Variants in TFEC observed in about 807,000 individuals in gnomAD.
The protein encoded by TFEC is class E basic helix-loop-helix protein 34.
In TFEC, 31 loss-of-function variants were observed where a neutral mutation model predicts 41.6. The observed-to-expected ratio is 0.74, with a 90% CI of 0.56 to 1.01. The LOEUF is 1.01. Ranked by LOEUF, TFEC falls within the 50% of genes least tolerant of loss-of-function variation. The pLI, the probability that TFEC is intolerant of heterozygous loss-of-function variation, is 0.00. For missense variants in TFEC, 402 were observed against 404.1 expected (o/e 0.99, Z 0.04); for synonymous variants, 143 against 140.6 (o/e 1.02, Z -0.12).
intron 3 of TFEC, among the ~76,000 whole-genome samples, chr7:115,971,366 A>G (rs1562901135): frequency 6.6e-6 from 1 of 151,736 alleles, no homozygotes; most frequent in East Asian, 1.9e-4. Context: ...TGGCTTATAA[A>G]ATAAAGAAAA....
chr7:116,047,872 G>T (rs1479667367), intron 3 of TFEC, among the ~76,000 whole-genome samples: 3 of 152,100 alleles, frequency 2.0e-5, no homozygotes, highest in Non-Finnish European at 2.9e-5. Flanking sequence ...AGGCAAACAG[G>T]GTCTGCAGTG....
At chr7:116,013,659 T>C (rs1372315126) in intron 1 of TFEC, among the ~76,000 whole-genome samples, 1 of 152,182 alleles carries the variant, frequency 6.6e-6, no homozygotes, top group Non-Finnish European at 1.5e-5. Flanking sequence ...TGTAATAGGG[T>C]ATTCTTTCAA....
intron 1 of TFEC, among the ~76,000 whole-genome samples, 195 bp downstream of exon 1, chr7:116,030,438 G>A (rs1332703867): frequency 6.6e-6 from 1 of 152,112 alleles, no homozygotes; most frequent in East Asian, 1.9e-4. Flanking sequence ...CATTAATAGA[G>A]TTTCAGACAT....
intron 3 of TFEC, among the ~76,000 whole-genome samples, chr7:116,081,771 C>G (rs746963633): frequency 3.9e-5 from 6 of 152,076 alleles, no homozygotes; most frequent in Non-Finnish European, 7.4e-5. Flanking sequence ...CAAACCAACA[C>G]TTTATACTCA....
Position 115,939,291 on chromosome 7 carries a change from C to T in TFEC, c.*1260G>A, listed in dbSNP as rs888690574. ...TGATCGGATGATCACTCTTGGAGGT[C>T]CAGCACAGAGCAACGTGCTTGGTAA... On this transcript the variant is annotated 3_prime_UTR_variant, in exon 8 of 8. Transcript: ENST00000265440. 6.6e-5 allele frequency: 10 copies of T among 151,940 alleles called. No individual in the cohort carries two copies. Among genetic ancestry groups the T allele is most frequent in the African/African-American group, 2.4e-4 (10 of 41,378 alleles). The allele number at this position is 151,940 out of a possible 1,614,324, so 9.4% of individuals were successfully genotyped here. A position where few individuals can be genotyped will look rare whatever the true frequency, so the allele number is the denominator to read the frequency against.
At chr7:116,128,887 T>C (rs1010681740) in intron 1 of TFEC, among the ~76,000 whole-genome samples, 1 of 152,130 alleles carries the variant, frequency 6.6e-6, no homozygotes, top group African/African-American at 2.4e-5. Context: ...TAGAGGTAGA[T>C]ACATTTGCTA....
intron 1 of TFEC, among the ~76,000 whole-genome samples, chr7:116,125,929 C>T (rs1274147971): frequency 3.3e-5 from 5 of 152,244 alleles, no homozygotes; most frequent in African/African-American, 1.2e-4. Flanking sequence ...ACTGAGCAAA[C>T]TGAAATCTCA....
At chr7:115,963,023 C>G (rs532210749) in intron 3 of TFEC, among the ~76,000 whole-genome samples, 57 of 151,682 alleles carry the variant, frequency 3.8e-4, no homozygotes, top group African/African-American at 1.1e-3. Flanking sequence ...CCCGACCAGC[C>G]CCGGTGTTTG....
intron 1 of TFEC, among the ~76,000 whole-genome samples, chr7:115,985,823 T>A (rs975243814): frequency 1.3e-5 from 2 of 152,140 alleles, no homozygotes; most frequent in East Asian, 3.8e-4. Flanking sequence ...AGTGGTAATT[T>A]TTTTAGGGTA....
chr7:116,072,239 A>G (rs1279856766), intron 3 of TFEC, among the ~76,000 whole-genome samples: 1 of 151,110 alleles, frequency 6.6e-6, no homozygotes, highest in Non-Finnish European at 1.5e-5. Context: ...TGCTATCTAC[A>G]AATAGAGATA....
chr7:116,124,006 T>G (rs1798161050), intron 1 of TFEC, among the ~76,000 whole-genome samples: 1 of 152,072 alleles, frequency 6.6e-6, no homozygotes, highest in Non-Finnish European at 1.5e-5. Context: ...TTTAGTTGTC[T>G]ATGGGTAAGT....
At chr7:115,984,236 T>C (rs1793750884) in intron 2 of TFEC, 26 bp downstream of exon 2, 3 of 1,600,256 alleles carry the variant, frequency 1.9e-6, no homozygotes, top group African/African-American at 1.3e-5. Flanking sequence ...TGATGATATA[T>C]TTTTATAACC....
chr7:116,066,458 G>T (rs1295501659), intron 3 of TFEC, among the ~76,000 whole-genome samples: 3 of 152,032 alleles, frequency 2.0e-5, no homozygotes, highest in Non-Finnish European at 4.4e-5. Context: ...GAAATAGGGA[G>T]TCATGTTTTT....
intron 1 of TFEC, among the ~76,000 whole-genome samples, chr7:116,015,983 G>C (rs1333100312): frequency 6.6e-6 from 1 of 152,136 alleles, no homozygotes; most frequent in Non-Finnish European, 1.5e-5. Flanking sequence ...TCAGGATGAA[G>C]AATTAGATTT....
intron 3 of TFEC, among the ~76,000 whole-genome samples, chr7:116,064,039 A>G (rs1796634665): frequency 6.6e-6 from 1 of 152,174 alleles, no homozygotes; most frequent in Middle Eastern, 3.2e-3. Context: ...ACTGAACTCA[A>G]TAGAAGTAGA....
At chr7:115,996,173 C>T (rs1447827260) in intron 1 of TFEC, among the ~76,000 whole-genome samples, 2 of 152,128 alleles carry the variant, frequency 1.3e-5, no homozygotes, top group Non-Finnish European at 2.9e-5. Flanking sequence ...CCAGGAAAGA[C>T]TCTTTCCTTA....
At chr7:115,999,191 T>C (rs75263172) in intron 1 of TFEC, among the ~76,000 whole-genome samples, 17,551 of 151,868 alleles carry the variant, frequency 0.12, 1,439 homozygotes, top group East Asian at 0.38. Context: ...AAAAGGAATC[T>C]TGGAAACTAC....
At chr7:116,010,451 C>A (rs997874211) in intron 1 of TFEC, among the ~76,000 whole-genome samples, 4 of 152,160 alleles carry the variant, frequency 2.6e-5, no homozygotes, top group Non-Finnish European at 5.9e-5. Context: ...ATGTCCTTTA[C>A]TGAGAAGACT....
upstream of TFEC, among the ~76,000 whole-genome samples, chr7:116,034,416 T>C (rs540928159): frequency 1.3e-5 from 2 of 152,066 alleles, no homozygotes; most frequent in African/African-American, 4.8e-5. Flanking sequence ...CTTCCAACCA[T>C]GCACCACTTG....
Sources: gnomAD v4.1 joint callset for allele counts (sites outside exome capture counted in the v4.1 genomes callset) on GRCh38, gnomAD v4.1.1 for gene constraint, MANE v1.5 for transcripts, NCBI Gene and HGNC (gene_info 2026-07-23, HGNC 2026-07-21) for gene names.